MBD3L1: variants seen among roughly 807,000 people sequenced by gnomAD.
MBD3L1 encodes methyl-CpG-binding domain protein 3-like 1.
For synonymous variants in MBD3L1, 84 were observed against 85.1 expected (o/e 0.99, Z 0.07); for missense variants, 203 against 230.1 (o/e 0.88, Z 0.76).
intron 1 of MBD3L1, among the ~76,000 whole-genome samples, chr19:8,839,830 G>C (rs1472081993): frequency 6.6e-6 from 1 of 152,138 alleles, no homozygotes; most frequent in East Asian, 1.9e-4. Context: ...AAGTTTAGGA[G>C]AGGAGTGTCT....
intron 2 of MBD3L1, among the ~76,000 whole-genome samples, chr19:8,841,939 T>C (rs1417411184): frequency 6.6e-6 from 1 of 152,142 alleles, no homozygotes; most frequent in Admixed American, 6.5e-5. Flanking sequence ...AGCAGAGCAG[T>C]TGATAATTTC....
At chr19:8,836,968 A>G (rs187240383) in intron 1 of MBD3L1, among the ~76,000 whole-genome samples, 5 of 152,366 alleles carry the variant, frequency 3.3e-5, no homozygotes, top group African/African-American at 1.2e-4. Context: ...GACAAAGGCT[A>G]TGAACCACAC....
intron 1 of MBD3L1, among the ~76,000 whole-genome samples, chr19:8,837,659 C>G (rs193114135): frequency 6.6e-6 from 1 of 152,248 alleles, no homozygotes; most frequent in Non-Finnish European, 1.5e-5. Context: ...ACACTGGCCT[C>G]ATGGACAAGA....
rs1413808461 is a variant in MBD3L1 at position 8,843,136 on chromosome 19, A to G, written c.458A>G (p.Asp153Gly). 6.2e-7 allele frequency: 1 copy of G among 1,613,736 alleles called. No homozygotes were observed. Among genetic ancestry groups the G allele is most frequent in the African/African-American group, 1.3e-5 (1 of 75,034 alleles). ...AAACAATTTCTGGTTACTGAGGAAG[A>G]TATCAGGAAACAGGAAGGGAAAGTG... The part of the protein sequence containing the change: ...LCKQFLVTEE[D>G]IRKQEGKVKT... Residue 153 changes from aspartate to glycine, a missense_variant, in exon 3 of 3, where the codon GAT becomes GGT. By Grantham distance (94) the Asp-to-Gly change is moderately conservative (BLOSUM62 -1). Coordinates refer to ENST00000595891, the MANE Select transcript of MBD3L1 (RefSeq NM_001393532.1).
At chr19:8,833,937 G>A (rs963496271) in intron 1 of MBD3L1, among the ~76,000 whole-genome samples, 3 of 152,064 alleles carry the variant, frequency 2.0e-5, no homozygotes, top group Non-Finnish European at 2.9e-5. Context: ...GAAGTGAGCC[G>A]AGATTGCAGC....
At chr19:8,838,401 A>G (rs747461293) in intron 1 of MBD3L1, among the ~76,000 whole-genome samples, 6 of 152,108 alleles carry the variant, frequency 3.9e-5, no homozygotes, top group Non-Finnish European at 5.9e-5. Context: ...AACAAACTGC[A>G]TATTGCCTAA....
chr19:8,840,016 T>C (rs2044495509), intron 1 of MBD3L1, among the ~76,000 whole-genome samples: 1 of 151,910 alleles, frequency 6.6e-6, no homozygotes, highest in African/African-American at 2.4e-5. Context: ...ACCCCATCGC[T>C]ACTAAAAATA....
intron 1 of MBD3L1, among the ~76,000 whole-genome samples, chr19:8,840,135 G>GGAGGTCGAGGTTGCAGTGAGCGGCA (rs2044497160): frequency 1.4e-5 from 2 of 145,162 alleles, no homozygotes; most frequent in Non-Finnish European, 3.0e-5. Context: ...AGTGAGCCCA[G>GGAGGTCGAGGTTGCAGTGAGCGGCA]ATCATCCCAC....
chr19:8,836,795 A>G (rs1287751484), intron 1 of MBD3L1, among the ~76,000 whole-genome samples: 1 of 152,230 alleles, frequency 6.6e-6, no homozygotes, highest in African/African-American at 2.4e-5. Context: ...ATCCAGCTTA[A>G]GTGTATCTTA....
At chr19:8,839,326 G>A (rs1192069482) in intron 1 of MBD3L1, among the ~76,000 whole-genome samples, 4 of 151,402 alleles carry the variant, frequency 2.6e-5, no homozygotes, top group Non-Finnish European at 5.9e-5. Flanking sequence ...CTGGGATACA[G>A]GTGTGTGCCA....
At position 8,842,670 on chromosome 19, in the gene MBD3L1, AG is replaced by A; in HGVS notation, c.-8del. On this transcript the variant is annotated 5_prime_UTR_variant, in exon 3 of 3. Transcript: ENST00000595891. ...TTTATTTTAATAGTGTAAGAGGAAAAGAAGTGTGATGGCCAAGAGTTCACAG... is the reference window on the plus strand; with the variant it reads ...TTTATTTTAATAGTGTAAGAGGAAAAAAGTGTGATGGCCAAGAGTTCACAG... 3.7e-6 allele frequency: 6 copies of A among 1,610,080 alleles called. No individual in the cohort carries two copies. Among genetic ancestry groups the A allele is most frequent in the Non-Finnish European group, 4.2e-6 (5 of 1,177,488 alleles).
At chr19:8,841,479 A>T (rs946785644) in intron 2 of MBD3L1, among the ~76,000 whole-genome samples, 3 of 152,324 alleles carry the variant, frequency 2.0e-5, no homozygotes, top group East Asian at 3.9e-4. Flanking sequence ...TTCATCAAGA[A>T]CAGGTATCTA....
At position 8,841,785 on chromosome 19, in the gene MBD3L1, G is replaced by T. The variant is rs1024345927; in HGVS notation, c.-22+786G>T. On this transcript the variant is annotated intron_variant, in intron 2 of 2. Coordinates refer to ENST00000595891, the MANE Select transcript of MBD3L1 (RefSeq NM_001393532.1). ...TTGGCCAGGCTGGTCTTGAACTCCT[G>T]ACCTCAAGCGATTCGCCTGCCTTGG... Among the ~76,000 whole-genome samples, 12 of 152,172 alleles carry T rather than the reference G, an allele frequency of 7.9e-5. No homozygotes were observed. The East Asian group carries it at 2.3e-3, about 30-fold the overall frequency.
intron 2 of MBD3L1, 79 bp from the exon 3 acceptor site, chr19:8,842,579 C>G: frequency 9.5e-7 from 1 of 1,050,908 alleles, no homozygotes; most frequent in Non-Finnish European, 1.4e-6. Context: ...GATGAAAGTC[C>G]AGAACAGCTG....
At chr19:8,838,679 G>A (rs1264051831) in intron 1 of MBD3L1, among the ~76,000 whole-genome samples, 1 of 152,184 alleles carries the variant, frequency 6.6e-6, no homozygotes, top group Non-Finnish European at 1.5e-5. Context: ...GCTGGGGCTG[G>A]CATTGTTGGT....
chr19:8,835,178 A>G (rs1321470182), intron 1 of MBD3L1, among the ~76,000 whole-genome samples: 1 of 152,094 alleles, frequency 6.6e-6, no homozygotes, highest in Non-Finnish European at 1.5e-5. Flanking sequence ...CAGCCTCCCA[A>G]GTAGCTGGGA....
chr19:8,832,529 T>C lies in MBD3L1; in HGVS notation c.-107+7T>C, dbSNP rs970732437. The C allele has an allele frequency of 6.5e-6, 1 of 153,058 alleles. No homozygotes were observed. The highest frequency in any genetic ancestry group is 2.4e-5 in the African/African-American group (1 of 41,446). 9.5% of individuals were successfully genotyped at this position (153,058 alleles called of 1,614,324 possible). A position where few individuals can be genotyped will look rare whatever the true frequency, so the allele number is the denominator to read the frequency against. On this transcript the variant is annotated splice_region_variant and intron_variant, in intron 1 of 2. Coordinates refer to ENST00000595891, the MANE Select transcript of MBD3L1 (RefSeq NM_001393532.1). ...GCCTGGGGCAGTAGCGGGGGTAAGG[T>C]TGGCCCTGGGGGCGGGGCCAGGCTG...
At chr19:8,838,936 C>T (rs1411585179) in intron 1 of MBD3L1, among the ~76,000 whole-genome samples, 2 of 152,164 alleles carry the variant, frequency 1.3e-5, no homozygotes, top group African/African-American at 4.8e-5. Flanking sequence ...AATGTCATGC[C>T]AGTGGGTTGT....
chr19:8,843,023 C>T lies in MBD3L1; in HGVS notation c.345C>T (p.His115=), dbSNP rs747281018. The T allele has an allele frequency of 6.2e-7, 1 of 1,614,184 alleles. No homozygotes were observed. Among genetic ancestry groups the T allele is most frequent in the Admixed American group, 1.7e-5 (1 of 60,028 alleles). ...LLEDLASGLE[H]SCPMPHLACS... is the part of the protein sequence containing the mutation. ...AGGATCTTGCCAGTGGTCTGGAGCA[C>T]TCCTGCCCCATGCCCCACCTTGCCT... Residue 115 remains histidine (H), a synonymous_variant, in exon 3 of 3, where the codon CAC becomes CAT. Coordinates refer to ENST00000595891, the MANE Select transcript of MBD3L1 (RefSeq NM_001393532.1).
Sources: allele counts gnomAD v4.1 joint callset (sites outside exome capture counted in the v4.1 genomes callset), GRCh38; gene constraint gnomAD v4.1.1; transcripts MANE v1.5; gene names NCBI Gene and HGNC (gene_info 2026-07-23, HGNC 2026-07-21).